Variants in ABCB1 observed in about 807,000 individuals in gnomAD.
ABCB1 encodes the protein ATP-dependent translocase ABCB1.
ABCB1 carries 69 observed loss-of-function variants against 142.0 expected under a neutral mutation model. The ratio of observed to expected loss-of-function variants is 0.49; its 90% confidence interval spans 0.40 to 0.59. ABCB1 has a LOEUF of 0.59. ABCB1 is among the 20% of genes least tolerant of loss of function. ABCB1 has a pLI of 0.00. For synonymous variants in ABCB1, 532 were observed against 539.2 expected, an observed-to-expected ratio of 0.99 and a Z score of 0.18; for missense variants, 1,326 against 1,554.7, an observed-to-expected ratio of 0.85 and a Z score of 2.47.
intron 7 of ABCB1, chr7:87,564,144 C>T (rs77543238): frequency 0.012 from 5,484 of 452,788 alleles, 59 homozygotes; most frequent in Non-Finnish European, 0.013. Flanking sequence ...CAGACCTGCA[C>T]TTACACCCCT....
chr7:87,600,380 C>T (rs533908080), intron 1 of ABCB1, among the ~76,000 whole-genome samples, 190 bp from the exon 2 acceptor site: 108 of 152,334 alleles, frequency 7.1e-4, no homozygotes, highest in Non-Finnish European at 1.4e-3. Flanking sequence ...AGCATCTCCA[C>T]GAAGGCAGAG....
intron 3 of ABCB1, among the ~76,000 whole-genome samples, chr7:87,586,349 A>C (rs1818753398): frequency 6.6e-6 from 1 of 152,236 alleles, no homozygotes; most frequent in African/African-American, 2.4e-5. Flanking sequence ...CTCTGAACCC[A>C]AAAAGTTACA....
At chr7:87,626,895 C>A (rs1023239342) in intron 1 of ABCB1, among the ~76,000 whole-genome samples, 3 of 151,998 alleles carry the variant, frequency 2.0e-5, no homozygotes, top group African/African-American at 4.8e-5. Flanking sequence ...CCTGCCTCAG[C>A]CTACCGAGTA....
At chr7:87,585,761 C>T (rs1028936762) in intron 3 of ABCB1, 81 bp from the exon 4 acceptor site, 3 of 1,466,266 alleles carry the variant, frequency 2.0e-6, no homozygotes, top group African/African-American at 2.8e-5. Context: ...AAAATATATC[C>T]AAAATCCAAA....
chr7:87,676,123 A>T (rs1334245584), intron 1 of ABCB1, among the ~76,000 whole-genome samples: 4 of 152,144 alleles, frequency 2.6e-5, no homozygotes, highest in Non-Finnish European at 5.9e-5. Context: ...GCTACTCATA[A>T]GGCTGAGGCA....
intron 1 of ABCB1, among the ~76,000 whole-genome samples, chr7:87,708,385 TG>T (rs1714035446): frequency 6.6e-6 from 1 of 152,090 alleles, no homozygotes; most frequent in African/African-American, 2.4e-5. Flanking sequence ...TATATAAATT[TG>T]AAAATTTAGA....
At chr7:87,694,803 A>G (rs772740091) in intron 1 of ABCB1, among the ~76,000 whole-genome samples, 11 of 152,200 alleles carry the variant, frequency 7.2e-5, no homozygotes, top group Non-Finnish European at 1.3e-4. Flanking sequence ...GAGTAAAATT[A>G]CTGGGATAAA....
intron 7 of ABCB1, chr7:87,565,599 T>G: frequency 2.8e-6 from 1 of 357,360 alleles, no homozygotes; most frequent in Admixed American, 4.0e-5. Flanking sequence ...AAAATCAATT[T>G]AAAACTTAAA....
rs962894119 is a variant in ABCB1 at position 87,566,006 on chromosome 7, C to T, written c.702+64G>A. 94 of 1,569,670 alleles carry T rather than the reference C, an allele frequency of 6.0e-5. No individual in the cohort carries two copies. In the East Asian group the frequency reaches 1.1e-3, roughly 18 times the overall value. On this transcript the variant is annotated intron_variant, in intron 7 of 27. Coordinates refer to ENST00000622132, the MANE Select transcript of ABCB1 (RefSeq NM_001348946.2). ...TCATCATGTAGTAAAAAGACCTTTC[C>T]GTAGGGTGAGAGCAGGAAGGGAGAA... is the stretch of plus-strand genomic sequence containing the variant.
chr7:87,696,137 A>G (rs374291432), intron 1 of ABCB1, among the ~76,000 whole-genome samples: 4 of 152,270 alleles, frequency 2.6e-5, no homozygotes, highest in East Asian at 1.9e-4. Context: ...AATTGAAAGC[A>G]TATTGTATAC....
intron 1 of ABCB1, among the ~76,000 whole-genome samples, chr7:87,630,245 A>G (rs1821078913): frequency 1.3e-5 from 2 of 152,228 alleles, no homozygotes; most frequent in South Asian, 4.1e-4. Flanking sequence ...GAATACAGAT[A>G]ATTATTCCAG....
rs3213619 is a variant in ABCB1 at position 87,600,877 on chromosome 7, A to G, written c.-129T>C. On this transcript the variant is annotated 5_prime_UTR_variant, in exon 1 of 28. Transcript: ENST00000622132. ...CTTCTTTGAGCTTGGAAGAGCCGCT[A>G]CTCGAATGAGCTCAGGCTTCCTGTG... The G allele has an allele frequency of 0.051, 7,785 of 152,430 alleles. 211 individuals are homozygous for G. The highest frequency in any genetic ancestry group is 0.085 in the African/African-American group (3,534 of 41,538). 9.4% of individuals were successfully genotyped at this position (152,430 alleles called of 1,614,324 possible). A position where few individuals can be genotyped will look rare whatever the true frequency, so the allele number is the denominator to read the frequency against.
In ABCB1 at chr7:87,550,813, G is replaced by A; in HGVS notation, c.1025C>T (p.Ala342Val). ...LTVFFSVLIG[A>V]FSVGQASPSI... ...TGGAGATGCCTGTCCAACACTAAAAGCCCCAATTAATACAGAAAAGAATAC... is the reference window on the plus strand; with the variant it reads ...TGGAGATGCCTGTCCAACACTAAAAACCCCAATTAATACAGAAAAGAATAC... Residue 342 changes from alanine to valine, a missense_variant, in exon 10 of 28, where the codon GCT (alanine) becomes GTT (valine). Physicochemically the swap from Ala to Val is moderately conservative, Grantham distance 64 (BLOSUM62 0). Transcript: ENST00000622132. 1.9e-6 allele frequency: 3 copies of A among 1,612,546 alleles called. No homozygotes were observed. The highest frequency in any genetic ancestry group is 1.3e-5 in the African/African-American group (1 of 75,004).
intron 1 of ABCB1, among the ~76,000 whole-genome samples, chr7:87,655,510 TAAAA>T (rs767825569): frequency 3.9e-5 from 6 of 152,118 alleles, no homozygotes; most frequent in Non-Finnish European, 8.8e-5. Context: ...ACATGGCATC[TAAAA>T]AAGTTGAATT....
intron 1 of ABCB1, among the ~76,000 whole-genome samples, chr7:87,671,510 C>A (rs1825821099): frequency 6.6e-6 from 1 of 152,122 alleles, no homozygotes; most frequent in South Asian, 2.1e-4. Flanking sequence ...TGCTCCAGTA[C>A]CTGGTTGCCT....
intron 1 of ABCB1, among the ~76,000 whole-genome samples, chr7:87,680,128 T>TTGG: frequency 6.6e-6 from 1 of 150,416 alleles, no homozygotes; most frequent in African/African-American, 2.5e-5. Context: ...CATGCAGTGT[T>TTGG]TGGTTTTCTG....
At chr7:87,561,196 T>C in intron 8 of ABCB1, 67 bp downstream of exon 8, 1 of 1,581,532 alleles carries the variant, frequency 6.3e-7, no homozygotes, top group Non-Finnish European at 8.7e-7. Flanking sequence ...AATAACACTG[T>C]CAATCTGAAG....
chr7:87,626,235 G>C (rs1034464088), intron 1 of ABCB1, among the ~76,000 whole-genome samples: 170 of 56,600 alleles, frequency 3.0e-3, no homozygotes, highest in Middle Eastern at 0.018. Context: ...TCATATATAT[G>C]TGTCATATAT....
chr7:87,537,455 G>C (rs1236502790), intron 19 of ABCB1, among the ~76,000 whole-genome samples: 1 of 152,196 alleles, frequency 6.6e-6, no homozygotes, highest in Non-Finnish European at 1.5e-5. Flanking sequence ...GATCAGTTAG[G>C]AAGCTTTTGC....
Sources: allele counts gnomAD v4.1 joint callset (sites outside exome capture counted in the v4.1 genomes callset), GRCh38; gene constraint gnomAD v4.1.1; transcripts MANE v1.5; gene names NCBI Gene and HGNC (gene_info 2026-07-23, HGNC 2026-07-21).